Variants in OCM observed in about 807,000 individuals in gnomAD.
The protein encoded by OCM is oncomodulin.
In OCM, 18 loss-of-function variants were observed where a neutral mutation model predicts 14.1. The ratio of observed to expected loss-of-function variants is 1.28; its 90% CI spans 0.88 to 1.89. The LOEUF is 1.89. Ranked by LOEUF, OCM falls within the 40% of genes most tolerant of loss-of-function variation. The pLI, the probability that OCM is intolerant of heterozygous loss-of-function variation, is 0.00. For missense variants in OCM, 140 were observed against 137.6 expected, an observed-to-expected ratio of 1.02 and a Z score of -0.09; for synonymous variants, 48 against 51.0, an observed-to-expected ratio of 0.94 and a Z score of 0.25.
chr7:5,863,898 G>A, the OCM span, among the ~76,000 whole-genome samples: 2 of 152,072 alleles, frequency 1.3e-5, no homozygotes, highest in Non-Finnish European at 2.9e-5. Context: ...GGAGAGGGCC[G>A]ATGTTGTCTA....
At chr7:5,878,001 C>T (rs377695478), upstream of OCM, among the ~76,000 whole-genome samples, 28 of 147,072 alleles carry the variant, frequency 1.9e-4, no homozygotes, top group East Asian at 2.2e-3. Context: ...GGCGGAATCT[C>T]GCTCTGTCAC....
the OCM span, among the ~76,000 whole-genome samples, chr7:5,870,760 T>C: frequency 6.7e-6 from 1 of 150,136 alleles, no homozygotes; most frequent in East Asian, 1.9e-4. Context: ...GTTTAACACA[T>C]GTTAGCATAA....
chr7:5,869,038 G>A, the OCM span, among the ~76,000 whole-genome samples: 7 of 151,824 alleles, frequency 4.6e-5, no homozygotes, highest in East Asian at 1.4e-3. Context: ...ACTCCAGCCT[G>A]GGCAACAGAG....
At chr7:5,880,027 A>G (rs1409992740), upstream of OCM, 1 of 152,224 alleles carries the variant, frequency 6.6e-6, no homozygotes, top group Non-Finnish European at 1.5e-5. Flanking sequence ...TATTAGGCTC[A>G]GGTGCTTAGA....
At chr7:5,863,074 A>C in the OCM span, among the ~76,000 whole-genome samples, 1 of 152,306 alleles carries the variant, frequency 6.6e-6, no homozygotes. Flanking sequence ...ACTTTACCTT[A>C]TGTAAAATGT....
chr7:5,870,810 G>A, the OCM span, among the ~76,000 whole-genome samples: 2 of 152,256 alleles, frequency 1.3e-5, no homozygotes, highest in Middle Eastern at 6.8e-3. Context: ...GGCACCCCAT[G>A]GCCCACTCAA....
At chr7:5,870,630 A>G in the OCM span, among the ~76,000 whole-genome samples, 1 of 152,204 alleles carries the variant, frequency 6.6e-6, no homozygotes, top group Non-Finnish European at 1.5e-5. Context: ...AATGTAGTTT[A>G]TCTTCATCTG....
the OCM span, among the ~76,000 whole-genome samples, chr7:5,872,436 G>T: frequency 1.3e-5 from 2 of 152,140 alleles, no homozygotes; most frequent in South Asian, 4.1e-4. Context: ...AAATCCACTT[G>T]TAGAGAAGTA....
chr7:5,862,865 C>A, the OCM span, among the ~76,000 whole-genome samples: 1 of 152,006 alleles, frequency 6.6e-6, no homozygotes, highest in Admixed American at 6.6e-5. Flanking sequence ...TTACTGAGCT[C>A]AAGATGAATG....
chr7:5,862,670 C>G, the OCM span, among the ~76,000 whole-genome samples: 2 of 152,120 alleles, frequency 1.3e-5, no homozygotes, highest in Non-Finnish European at 2.9e-5. Context: ...ACTCTTTACT[C>G]CCTCTTTTCA....
At chr7:5,877,995 G>A (rs1781129816), upstream of OCM, among the ~76,000 whole-genome samples, 1 of 146,640 alleles carries the variant, frequency 6.8e-6, no homozygotes, top group Non-Finnish European at 1.5e-5. Context: ...TTTTGAGGCG[G>A]AATCTCGCTC....
the OCM span, among the ~76,000 whole-genome samples, chr7:5,864,171 CT>C: frequency 2.0e-5 from 3 of 151,640 alleles, no homozygotes; most frequent in Non-Finnish European, 4.4e-5. Flanking sequence ...GAGATCCCGT[CT>C]CTACAAAAAA....
At chr7:5,885,117 T>C (rs911018416) in intron 3 of OCM, among the ~76,000 whole-genome samples, 8 of 33,648 alleles carry the variant, frequency 2.4e-4, no homozygotes, top group Admixed American at 2.1e-3. Context: ...TGAAACTCTA[T>C]CTCAAAAGAA....
At chr7:5,878,822 C>G (rs1181887827), upstream of OCM, among the ~76,000 whole-genome samples, 4 of 134,014 alleles carry the variant, frequency 3.0e-5, no homozygotes, top group African/African-American at 1.1e-4. Context: ...TTAAAAAGAA[C>G]AGTCTAGCAC....
upstream of OCM, chr7:5,879,698 T>G (rs1229885312): frequency 1.5e-5 from 2 of 132,354 alleles, no homozygotes; most frequent in East Asian, 2.1e-4. Flanking sequence ...TTTGTTGTTG[T>G]TTTTTTTTTT....
chr7:5,873,838 G>C, the OCM span, among the ~76,000 whole-genome samples: 7 of 152,028 alleles, frequency 4.6e-5, no homozygotes, highest in East Asian at 1.4e-3. Flanking sequence ...GAGAGAACAT[G>C]AAAGTGGGTC....
chr7:5,867,946 C>T, the OCM span, among the ~76,000 whole-genome samples: 3 of 151,980 alleles, frequency 2.0e-5, no homozygotes. Flanking sequence ...CCATGTTGTC[C>T]AGGCTGGTCT....
At chr7:5,876,350 C>T (rs539029489), upstream of OCM, among the ~76,000 whole-genome samples, 14 of 152,070 alleles carry the variant, frequency 9.2e-5, no homozygotes, top group African/African-American at 3.1e-4. Flanking sequence ...AGGGCCTTGT[C>T]ATGTTGTCCA....
At chr7:5,881,104 G>A (rs551741729) in intron 1 of OCM, among the ~76,000 whole-genome samples, 154 bp downstream of exon 1, 13 of 151,876 alleles carry the variant, frequency 8.6e-5, no homozygotes, top group Non-Finnish European at 1.6e-4. Flanking sequence ...GGATCACGAG[G>A]TCAGGAGTTC....
Sources: gnomAD v4.1 joint callset for allele counts (sites outside exome capture counted in the v4.1 genomes callset) on GRCh38, gnomAD v4.1.1 for gene constraint, MANE v1.5 for transcripts, NCBI Gene and HGNC (gene_info 2026-07-23, HGNC 2026-07-21) for gene names.